FNBP1L: variants seen among roughly 807,000 people sequenced by gnomAD.
FNBP1L encodes formin binding protein 1 like.
A neutral mutation model predicts 91.2 loss-of-function variants in FNBP1L; 36 were observed. The ratio of observed to expected loss-of-function variants is 0.39; its 90% CI spans 0.30 to 0.52. The LOEUF is 0.52. Among genes scored for constraint, FNBP1L ranks in the 20% least tolerant of loss-of-function variants. FNBP1L has a pLI of 0.66. For synonymous variants in FNBP1L, 242 were observed against 237.0 expected, an observed-to-expected ratio of 1.02 and a Z score of -0.19; for missense variants, 571 against 732.1, an observed-to-expected ratio of 0.78 and a Z score of 2.54.
intron 11 of FNBP1L, among the ~76,000 whole-genome samples, chr1:93,542,179 G>C (rs1672069019): frequency 1.3e-5 from 2 of 152,018 alleles, no homozygotes; most frequent in Admixed American, 1.3e-4. Flanking sequence ...GGGAGGCTAA[G>C]GCGGGAGGAT....
chr1:93,455,303 C>T (rs1668623617), intron 1 of FNBP1L, among the ~76,000 whole-genome samples: 1 of 152,222 alleles, frequency 6.6e-6, no homozygotes, highest in East Asian at 1.9e-4. Flanking sequence ...AGCGATCCTC[C>T]TGCGTCAACC....
intron 16 of FNBP1L, chr1:93,551,537 C>T (rs1672416414): frequency 1.9e-5 from 19 of 985,780 alleles, no homozygotes; most frequent in Non-Finnish European, 2.3e-5. Flanking sequence ...GCCGACTCCC[C>T]AAAGAGTGGT....
chr1:93,482,786 G>A (rs1009849576), intron 1 of FNBP1L, among the ~76,000 whole-genome samples: 4 of 152,014 alleles, frequency 2.6e-5, no homozygotes, highest in African/African-American at 7.2e-5. Context: ...TTGGGAGGCC[G>A]AGGTGGGTGG....
intron 8 of FNBP1L, among the ~76,000 whole-genome samples, 171 bp downstream of exon 8, chr1:93,533,239 A>G (rs1157063545): frequency 5.9e-5 from 9 of 151,954 alleles, no homozygotes; most frequent in Non-Finnish European, 1.3e-4. Flanking sequence ...TTCATTCTAC[A>G]TGCAAAAGTT....
chr1:93,449,016 G>A (rs1454407752), intron 1 of FNBP1L, among the ~76,000 whole-genome samples: 1 of 152,232 alleles, frequency 6.6e-6, no homozygotes, highest in Non-Finnish European at 1.5e-5. Flanking sequence ...GAATTAAATC[G>A]AGTGATCGAT....
At chr1:93,457,361 T>C (rs1315083559) in intron 1 of FNBP1L, among the ~76,000 whole-genome samples, 1 of 152,238 alleles carries the variant, frequency 6.6e-6, no homozygotes, top group Non-Finnish European at 1.5e-5. Flanking sequence ...CCGTGGTTAG[T>C]TGCAATGTTC....
chr1:93,510,424 A>C (rs1670791884), intron 2 of FNBP1L, among the ~76,000 whole-genome samples: 1 of 152,174 alleles, frequency 6.6e-6, no homozygotes, highest in Non-Finnish European at 1.5e-5. Flanking sequence ...AAACTAACAA[A>C]CAGAAAGGAC....
intron 1 of FNBP1L, among the ~76,000 whole-genome samples, chr1:93,472,539 G>A (rs1267090848): frequency 6.6e-6 from 1 of 151,724 alleles, no homozygotes; most frequent in Non-Finnish European, 1.5e-5. Flanking sequence ...TCGGCCGGGC[G>A]TGGTGGCTTA....
chr1:93,497,551 G>A (rs1670306670), intron 1 of FNBP1L, among the ~76,000 whole-genome samples: 1 of 152,110 alleles, frequency 6.6e-6, no homozygotes, highest in Admixed American at 6.5e-5. Flanking sequence ...TTACCATTAA[G>A]TGTTCAACTA....
At chr1:93,462,526 A>G (rs1668907765) in intron 1 of FNBP1L, among the ~76,000 whole-genome samples, 1 of 152,074 alleles carries the variant, frequency 6.6e-6, no homozygotes, top group African/African-American at 2.4e-5. Context: ...ATTTAGTTGT[A>G]TGTCTCCTTA....
At chr1:93,495,690 A>ATT (rs1304418698) in intron 1 of FNBP1L, among the ~76,000 whole-genome samples, 1 of 152,156 alleles carries the variant, frequency 6.6e-6, no homozygotes, top group East Asian at 1.9e-4. Flanking sequence ...CCTACCAGGT[A>ATT]TTTTTGAGAA....
chr1:93,457,800 AAT>A (rs1491246468), intron 1 of FNBP1L, among the ~76,000 whole-genome samples: 27 of 148,806 alleles, frequency 1.8e-4, no homozygotes, highest in African/African-American at 6.3e-4. Flanking sequence ...TATTATTATT[AAT>A]TTTTTTTGAG....
At chr1:93,491,303 C>T (rs1670081645) in intron 1 of FNBP1L, among the ~76,000 whole-genome samples, 1 of 152,060 alleles carries the variant, frequency 6.6e-6, no homozygotes, top group Non-Finnish European at 1.5e-5. Flanking sequence ...TAAAACCATT[C>T]CTTGCTTTCC....
chr1:93,551,903 T>C lies in FNBP1L; in HGVS notation c.1811-506T>C, dbSNP rs1391925795. The C allele has an allele frequency of 3.0e-6, 3 of 985,488 alleles. No individual in the cohort carries two copies. The African/African-American group carries it at 5.2e-5, about 17-fold the overall frequency. 61.0% of individuals were successfully genotyped at this position (985,488 alleles called of 1,614,324 possible). On this transcript the variant is annotated intron_variant, in intron 16 of 16. Transcript: ENST00000271234. Reference sequence around the variant, plus strand: ...TTTTGGGAAATACCACTTTAGTGATTATTTAGCATTTAGCAGTTACACATA... The same window carrying C: ...TTTTGGGAAATACCACTTTAGTGATCATTTAGCATTTAGCAGTTACACATA...
intron 1 of FNBP1L, among the ~76,000 whole-genome samples, chr1:93,472,284 G>A (rs991902373): frequency 2.6e-5 from 4 of 151,994 alleles, no homozygotes; most frequent in South Asian, 2.1e-4. Context: ...TTGATTTCAC[G>A]AATACTACTA....
At chr1:93,519,700 A>G (rs920440850) in intron 2 of FNBP1L, among the ~76,000 whole-genome samples, 3 of 152,232 alleles carry the variant, frequency 2.0e-5, no homozygotes, top group Non-Finnish European at 4.4e-5. Context: ...CTGTAATCCC[A>G]GTACTTTGGG....
chr1:93,451,202 G>T (rs1668482036), intron 1 of FNBP1L, among the ~76,000 whole-genome samples: 2 of 152,170 alleles, frequency 1.3e-5, no homozygotes, highest in Non-Finnish European at 2.9e-5. Context: ...TAGCAAGAAT[G>T]GATGGATCAG....
intron 1 of FNBP1L, among the ~76,000 whole-genome samples, chr1:93,497,434 G>A (rs978306129): frequency 2.6e-5 from 4 of 152,170 alleles, no homozygotes; most frequent in South Asian, 2.1e-4. Context: ...TAAATTTTTT[G>A]CATTGATGGT....
chr1:93,514,453 T>G (rs1297266253), intron 2 of FNBP1L, among the ~76,000 whole-genome samples: 1 of 151,718 alleles, frequency 6.6e-6, no homozygotes, highest in East Asian at 1.9e-4. Flanking sequence ...AGAGCCCACA[T>G]TGCCAAGTCA....
Sources: allele counts gnomAD v4.1 joint callset (sites outside exome capture counted in the v4.1 genomes callset), GRCh38; gene constraint gnomAD v4.1.1; transcripts MANE v1.5; gene names NCBI Gene and HGNC (gene_info 2026-07-23, HGNC 2026-07-21).